Variants in CDH12 observed in about 807,000 individuals in gnomAD.
The protein encoded by CDH12 is cadherin 12.
CDH12 carries 41 observed loss-of-function variants against 74.1 expected under a neutral mutation model. The ratio of observed to expected loss-of-function variants is 0.55; its 90% CI spans 0.43 to 0.72. CDH12 has a LOEUF of 0.72. CDH12 is among the 30% of genes least tolerant of loss of function. The pLI, the probability that CDH12 is intolerant of heterozygous loss-of-function variation, is 0.00. For missense variants in CDH12, 945 were observed against 977.2 expected, an observed-to-expected ratio of 0.97 and a Z score of 0.44; for synonymous variants, 399 against 355.0, an observed-to-expected ratio of 1.12 and a Z score of -1.39.
intron 3 of CDH12, among the ~76,000 whole-genome samples, chr5:22,317,508 T>C (rs1400256042): frequency 6.6e-6 from 1 of 152,082 alleles, no homozygotes; most frequent in Non-Finnish European, 1.5e-5. Flanking sequence ...CAACCAACCA[T>C]GAATACAGAG....
At chr5:21,823,924 G>A (rs890805795) in intron 8 of CDH12, among the ~76,000 whole-genome samples, 20 of 151,744 alleles carry the variant, frequency 1.3e-4, no homozygotes, top group Middle Eastern at 3.4e-3. Context: ...TTCTTCTGTC[G>A]GGGTATGCTT....
chr5:22,787,627 A>G (rs1747702210), intron 1 of CDH12, among the ~76,000 whole-genome samples: 1 of 152,164 alleles, frequency 6.6e-6, no homozygotes, highest in Non-Finnish European at 1.5e-5. Context: ...TTTTAATAAA[A>G]TAATGTTTAA....
At chr5:22,262,056 A>G (rs1644096702) in intron 3 of CDH12, among the ~76,000 whole-genome samples, 1 of 152,124 alleles carries the variant, frequency 6.6e-6, no homozygotes, top group Admixed American at 6.6e-5. Flanking sequence ...ATTACCAAAG[A>G]GTAGTAACTT....
rs1241157097 is a variant in CDH12, at chr5:22,155,615, TAGATCATTGAACATATA to T, written c.-187+56866_-187+56882del. ...ATGTGCAGACTTTGGGTTATTGGAA[TAGATCATTGAACATATA>T]TGTTTTAAAGTACTTAAAAATATTT... On this transcript the variant is annotated intron_variant, in intron 4 of 14. Coordinates refer to ENST00000382254, the MANE Select transcript of CDH12 (RefSeq NM_004061.5). Among the ~76,000 whole-genome samples the T allele has an allele frequency of 1.2e-4, 19 of 152,286 alleles. 4 individuals are homozygous for T. The highest frequency in any genetic ancestry group is 4.6e-4 in the African/African-American group (19 of 41,576).
At chr5:21,761,413 CATTT>C (rs1216212661) in intron 12 of CDH12, among the ~76,000 whole-genome samples, 1 of 152,052 alleles carries the variant, frequency 6.6e-6, no homozygotes, top group Non-Finnish European at 1.5e-5. Context: ...GGCTTTGAGG[CATTT>C]ATTTATTAAC....
rs187099927 is a variant in CDH12, at chr5:22,740,663, A to G, written c.-523+112395T>C. ...CTAAATGAGGAAAAGACATAAAAAA[A>G]CAGAATCATGTACATTTTGGAATCT... On this transcript the variant is annotated intron_variant, in intron 1 of 14. Coordinates refer to ENST00000382254, the MANE Select transcript of CDH12 (RefSeq NM_004061.5). Among the ~76,000 whole-genome samples, 457 of 152,240 alleles carry G rather than the reference A, an allele frequency of 3.0e-3. 2 individuals carry two copies. Among genetic ancestry groups the G allele is most frequent in the African/African-American group, 0.011 (441 of 41,568 alleles).
In CDH12 at chr5:22,654,635, T is replaced by TG. The variant is rs994140287; in HGVS notation, c.-522-149272_-522-149271insC. Among the ~76,000 whole-genome samples, 85 of 150,756 alleles carry TG rather than the reference T, an allele frequency of 5.6e-4. No homozygotes were observed. In the East Asian group the frequency reaches 7.9e-3, roughly 14 times the overall value. On this transcript the variant is annotated intron_variant, in intron 1 of 14. Coordinates refer to ENST00000382254, the MANE Select transcript of CDH12 (RefSeq NM_004061.5). ...TTTTTGTTTGTTTGCTTGTTTTTTT[T>TG]TTGTTGTTGTTGTTGTTTTGAGACA... is the stretch of plus-strand genomic sequence containing the variant.
chr5:22,113,586 C>T (rs1312172626), intron 4 of CDH12, among the ~76,000 whole-genome samples: 2 of 152,022 alleles, frequency 1.3e-5, no homozygotes, highest in African/African-American at 4.8e-5. Flanking sequence ...ATTTGATTGA[C>T]GTCTCATGCC....
rs1741508549 is a variant in CDH12 at position 22,065,700 on chromosome 5, T to C, written c.231+12746A>G. On this transcript the variant is annotated intron_variant, in intron 5 of 14. Transcript: ENST00000382254. The stretch of plus-strand genomic sequence containing the variant: ...CAGCATCCCAGTGATCACTCAGCTC[T>C]CTAGGTCAGAACTTACAGTAGGAAT... 2.0e-5 allele frequency among the ~76,000 whole-genome samples: 3 copies of C among 152,280 alleles called. No individual in the cohort carries two copies. The East Asian group carries it at 5.8e-4, about 29-fold the overall frequency.
At chr5:22,029,915 A>G (rs1165316558) in intron 5 of CDH12, among the ~76,000 whole-genome samples, 4 of 151,898 alleles carry the variant, frequency 2.6e-5, no homozygotes, top group Non-Finnish European at 5.9e-5. Context: ...CATATACACC[A>G]TGGAATACTA....
intron 1 of CDH12, among the ~76,000 whole-genome samples, chr5:22,851,268 G>A (rs1440462670): frequency 6.6e-6 from 1 of 151,768 alleles, no homozygotes; most frequent in Non-Finnish European, 1.5e-5. Flanking sequence ...ACATCACTAA[G>A]CAGATCAGTG....
chr5:22,253,052 C>T lies in CDH12; in HGVS notation c.-332-40409G>A, dbSNP rs142660144. Reference sequence around the variant, plus strand: ...TGACATCAATATTTATGTCTAGCATCGTATCCAAAGCACCTAGCACCATGT... The same window carrying T: ...TGACATCAATATTTATGTCTAGCATTGTATCCAAAGCACCTAGCACCATGT... On this transcript the variant is annotated intron_variant, in intron 3 of 14. Coordinates refer to ENST00000382254, the MANE Select transcript of CDH12 (RefSeq NM_004061.5). 3.7e-3 allele frequency among the ~76,000 whole-genome samples: 566 copies of T among 151,982 alleles called. 8 individuals are homozygous for T. Among genetic ancestry groups the T allele is most frequent in the African/African-American group, 0.013 (530 of 41,524 alleles).
intron 1 of CDH12, among the ~76,000 whole-genome samples, chr5:22,595,951 TA>T (rs1035542644): frequency 6.7e-6 from 1 of 149,118 alleles, no homozygotes; most frequent in Non-Finnish European, 1.5e-5. Flanking sequence ...TAAAAAAAAT[TA>T]AAAAAATTAG....
chr5:22,474,157 C>A (rs1320190466), intron 2 of CDH12, among the ~76,000 whole-genome samples: 3 of 152,068 alleles, frequency 2.0e-5, no homozygotes, highest in Non-Finnish European at 4.4e-5. Flanking sequence ...ACGAATATTT[C>A]CTGAAAAACA....
At chr5:21,829,021 C>T (rs548014449) in intron 8 of CDH12, among the ~76,000 whole-genome samples, 4 of 151,204 alleles carry the variant, frequency 2.6e-5, no homozygotes, top group East Asian at 2.0e-4. Flanking sequence ...CCTCTCTGGG[C>T]GCAGTGGCTC....
At chr5:22,562,713 G>C (rs1739111510) in intron 1 of CDH12, among the ~76,000 whole-genome samples, 1 of 151,430 alleles carries the variant, frequency 6.6e-6, no homozygotes, top group Admixed American at 6.6e-5. Context: ...AATATCTAAT[G>C]AAAGAATACA....
intron 1 of CDH12, among the ~76,000 whole-genome samples, chr5:22,669,861 T>C (rs1160730790): frequency 1.3e-5 from 2 of 152,064 alleles, no homozygotes; most frequent in African/African-American, 4.8e-5. Context: ...TTTCTAACTT[T>C]CAGTAATTAT....
intron 5 of CDH12, among the ~76,000 whole-genome samples, chr5:22,004,670 G>A (rs1736831149): frequency 6.6e-6 from 1 of 152,164 alleles, no homozygotes; most frequent in South Asian, 2.1e-4. Context: ...TGTATTACAG[G>A]TATGGGGGTA....
At chr5:21,856,835 A>C (rs372493787) in intron 6 of CDH12, among the ~76,000 whole-genome samples, 1 of 151,872 alleles carries the variant, frequency 6.6e-6, no homozygotes, top group South Asian at 2.1e-4. Flanking sequence ...CTGCATTCCT[A>C]TCATATTTCT....
Sources: gnomAD v4.1 joint callset for allele counts (sites outside exome capture counted in the v4.1 genomes callset) on GRCh38, gnomAD v4.1.1 for gene constraint, MANE v1.5 for transcripts, NCBI Gene and HGNC (gene_info 2026-07-23, HGNC 2026-07-21) for gene names.